Variants in TGM5 observed in about 807,000 individuals in gnomAD.
TGM5 encodes the protein transglutaminase 5.
TGM5 carries 69 observed loss-of-function variants against 77.2 expected under a neutral mutation model. The ratio of observed to expected loss-of-function variants is 0.89; its 90% CI spans 0.74 to 1.09. The LOEUF is 1.09. Ranked by LOEUF, TGM5 falls within the 50% of genes least tolerant of loss-of-function variation. The pLI, the probability that TGM5 is intolerant of heterozygous loss-of-function variation, is 0.00. For synonymous variants in TGM5, 346 were observed against 351.8 expected (o/e 0.98, Z 0.18); for missense variants, 842 against 896.5 (o/e 0.94, Z 0.78).
intron 11 of TGM5, 33 bp downstream of exon 11, chr15:43,234,736 G>A (rs781533225): frequency 6.2e-7 from 1 of 1,613,838 alleles, no homozygotes; most frequent in Non-Finnish European, 8.5e-7. Flanking sequence ...GATCCAAGGA[G>A]CCCCACAAGC....
intron 1 of TGM5, among the ~76,000 whole-genome samples, chr15:43,263,205 A>G (rs2042802050): frequency 1.3e-5 from 2 of 152,248 alleles, no homozygotes; most frequent in Non-Finnish European, 2.9e-5. Flanking sequence ...GAAATTAAAG[A>G]AGACCTAAAT....
intron 1 of TGM5, among the ~76,000 whole-genome samples, chr15:43,263,113 T>A (rs1049500836): frequency 1.3e-5 from 2 of 152,116 alleles, no homozygotes; most frequent in African/African-American, 4.8e-5. Flanking sequence ...AAGAAAATAA[T>A]TCCATTTATA....
chr15:43,246,258 C>T (rs2042669494), intron 6 of TGM5, among the ~76,000 whole-genome samples: 2 of 152,036 alleles, frequency 1.3e-5, no homozygotes, highest in East Asian at 3.9e-4. Flanking sequence ...TTAAAGGAGA[C>T]ACAGAGGACA....
At chr15:43,251,575 C>T (rs571201042) in intron 6 of TGM5, among the ~76,000 whole-genome samples, 33 of 152,328 alleles carry the variant, frequency 2.2e-4, no homozygotes, top group Admixed American at 1.0e-3. Context: ...TGCTTGGCTT[C>T]TCTCCCCAGC....
intron 6 of TGM5, among the ~76,000 whole-genome samples, chr15:43,249,605 A>G (rs1241575525): frequency 6.6e-6 from 1 of 152,204 alleles, no homozygotes; most frequent in Admixed American, 6.5e-5. Context: ...CTATCGTGAA[A>G]GGCATCCAGG....
Position 43,252,896 on chromosome 15 carries a change from C to T in TGM5, c.725G>A (p.Trp242Ter). The T allele has an allele frequency of 1.2e-6, 2 of 1,613,864 alleles. No homozygotes were observed. The highest frequency in any genetic ancestry group is 2.2e-5 in the South Asian group (2 of 91,084). The change falls in exon 6 of 13, where the codon TGG becomes TAG. Residue 242 changes from tryptophan (W) to a stop codon, truncating the protein, a stop_gained. Transcript: ENST00000220420. LOFTEE classifies it high-confidence loss of function. ...GGCGCCGTCTGTGTAATTCTCACTC[C>T]AGTTTCCATTGAGCACCCCATTATC... Reference protein sequence around the residue: ...NDDNGVLNGNWSENYTDGANP... With the variant: ...NDDNGVLNGN
chr15:43,245,264 G>C (rs1002875681), intron 6 of TGM5, among the ~76,000 whole-genome samples: 3 of 152,046 alleles, frequency 2.0e-5, no homozygotes, highest in African/African-American at 7.2e-5. Context: ...GAGAAATGTG[G>C]CCAAAACTCC....
chr15:43,237,976 G>T (rs74712577), intron 9 of TGM5, among the ~76,000 whole-genome samples: 7,141 of 152,296 alleles, frequency 0.047, 562 homozygotes, highest in African/African-American at 0.16. Flanking sequence ...CCCAGGGAGT[G>T]GGTGGTGATG....
chr15:43,235,080 GC>G, intron 10 of TGM5, 151 bp from the exon 11 acceptor site: 1 of 973,702 alleles, frequency 1.0e-6, no homozygotes, highest in Non-Finnish European at 1.5e-6. Flanking sequence ...GAGGAAATGA[GC>G]TGAAAAGAGC....
At chr15:43,242,410 C>G (rs529979542) in intron 6 of TGM5, among the ~76,000 whole-genome samples, 131 of 151,342 alleles carry the variant, frequency 8.7e-4, no homozygotes, top group African/African-American at 3.1e-3. Flanking sequence ...CAATTTTCCC[C>G]CTGTTGTAAA....
At position 43,256,744 on chromosome 15, in the gene TGM5, A is replaced by G. The variant is rs1256965371; in HGVS notation, c.437-58T>C. 28 of 1,230,232 alleles carry G rather than the reference A, an allele frequency of 2.3e-5. No individual in the cohort carries two copies. The Admixed American group carries it at 3.5e-4, about 16-fold the overall frequency. The allele number at this position is 1,230,232 out of a possible 1,614,324, so 76.2% of individuals were successfully genotyped here. A position where few individuals can be genotyped will look rare whatever the true frequency, so the allele number is the denominator to read the frequency against. On this transcript the variant is annotated intron_variant, in intron 3 of 12. Coordinates refer to ENST00000220420, the MANE Select transcript of TGM5 (RefSeq NM_201631.4). The stretch of plus-strand genomic sequence containing the variant: ...AAAGTCACCTTTCCCTTACTGCCCC[A>G]TTCTCATCCCCACAGTCCCAGAGGA...
intron 11 of TGM5, among the ~76,000 whole-genome samples, chr15:43,234,085 C>T (rs2042569290): frequency 2.0e-5 from 3 of 152,208 alleles, no homozygotes; most frequent in Admixed American, 2.0e-4. Context: ...CCTTGAGACT[C>T]AAGGTCCTTT....
intron 3 of TGM5, among the ~76,000 whole-genome samples, chr15:43,257,757 T>C (rs2042752797): frequency 6.6e-6 from 1 of 152,190 alleles, no homozygotes; most frequent in Non-Finnish European, 1.5e-5. Flanking sequence ...TAAATCATGC[T>C]GCTATAAAGA....
At chr15:43,251,498 A>G (rs9652444) in intron 6 of TGM5, among the ~76,000 whole-genome samples, 16,002 of 152,158 alleles carry the variant, frequency 0.11, 939 homozygotes, top group East Asian at 0.2. Context: ...AGCCCCCAAT[A>G]AACACCAAGC....
chr15:43,253,557 G>T lies in TGM5; in HGVS notation c.633C>A (p.Asp211Glu). 1 of 1,613,848 alleles carries T rather than the reference G, an allele frequency of 6.2e-7. No individual in the cohort carries two copies. The highest frequency in any genetic ancestry group is 1.1e-5 in the South Asian group (1 of 91,080). The change falls in exon 5 of 13, where the codon GAC (aspartate) becomes GAA (glutamate). Residue 211 changes from aspartate to glutamate, a missense_variant. Asp to Glu is a conservative substitution (Grantham distance 45). This residue lies in a region of TGM5 where 815 missense variants were observed against 844.6 expected (regional missense o/e 0.96). Transcript: ENST00000220420. ...AGACGGGGCTTCCCCGCAGAGCACA[G>T]TCTGTGGCTGGGTCAGTCTGGAAGT... is the stretch of plus-strand genomic sequence containing the variant. ...SLHFQTDPAT[D>E]CALRGSPVYV...
Position 43,252,913 on chromosome 15 carries a change from C to T in TGM5, c.708G>A (p.Gly236=). The T allele has an allele frequency of 1.2e-6, 2 of 1,613,542 alleles. No individual in the cohort carries two copies. The highest frequency in any genetic ancestry group is 1.7e-6 in the Non-Finnish European group (2 of 1,180,022). ...TCTCACTCCAGTTTCCATTGAGCAC[C>T]CCATTATCATCATTGCTGTTGATCT... ...CAMINSNDDN[G]VLNGNWSENY... Residue 236 remains glycine, a synonymous_variant, in exon 6 of 13, where the codon GGG becomes GGA. Transcript: ENST00000220420.
chr15:43,238,884 A>G lies in TGM5; in HGVS notation c.1278T>C (p.Phe426=). ...LHQDTSSVGN[F]ISTKSIQSDE... is the part of the protein sequence containing the mutation. Reference sequence around the variant, plus strand: ...CACTCTGGATGCTCTTTGTGCTGATAAAATTGCCAACAGAACTCGTGTCCT... The same window carrying G: ...CACTCTGGATGCTCTTTGTGCTGATGAAATTGCCAACAGAACTCGTGTCCT... The change falls in exon 9 of 13, where the codon TTT becomes TTC. Residue 426 remains phenylalanine (F), a synonymous_variant. Transcript: ENST00000220420. 1 of 1,614,200 alleles carries G rather than the reference A, an allele frequency of 6.2e-7. No homozygotes were observed. Among genetic ancestry groups the G allele is most frequent in the Non-Finnish European group, 8.5e-7 (1 of 1,180,040 alleles).
chr15:43,246,313 G>A (rs7162827), intron 6 of TGM5, among the ~76,000 whole-genome samples: 2,885 of 152,216 alleles, frequency 0.019, 44 homozygotes, highest in Non-Finnish European at 0.029. Context: ...ATCCTGATTT[G>A]GACAAACTGA....
At chr15:43,244,150 C>T (rs551235719) in intron 6 of TGM5, among the ~76,000 whole-genome samples, 1 of 152,352 alleles carries the variant, frequency 6.6e-6, no homozygotes, top group African/African-American at 2.4e-5. Flanking sequence ...CTCATGCTCT[C>T]ACATAACCCT....
Sources: gnomAD v4.1 joint callset for allele counts (sites outside exome capture counted in the v4.1 genomes callset) on GRCh38, gnomAD v4.1.1 for gene constraint, gnomAD v4.1.1 regional missense constraint, MANE v1.5 for transcripts, NCBI Gene and HGNC (gene_info 2026-07-23, HGNC 2026-07-21) for gene names.